Variants in DOK6 observed in about 807,000 individuals in gnomAD.
The protein encoded by DOK6 is downstream of tyrosine kinase 6.
A neutral mutation model predicts 44.0 loss-of-function variants in DOK6; 22 were observed. The ratio of observed to expected loss-of-function variants is 0.50; its 90% CI spans 0.36 to 0.71. The LOEUF (loss-of-function observed/expected upper bound fraction) is 0.71. Among genes scored for constraint, DOK6 ranks in the 30% least tolerant of loss-of-function variants. The pLI, the probability that DOK6 is intolerant of heterozygous loss-of-function variation, is 0.00. For synonymous variants in DOK6, 166 were observed against 145.5 expected (o/e 1.14, Z -1.01); for missense variants, 340 against 416.4 (o/e 0.82, Z 1.60).
intron 3 of DOK6, among the ~76,000 whole-genome samples, chr18:69,635,807 G>A (rs948851176): frequency 7.9e-5 from 12 of 152,214 alleles, no homozygotes; most frequent in Non-Finnish European, 5.9e-5. Flanking sequence ...TAAGAAAGAG[G>A]TGCAATGTTG....
intron 3 of DOK6, among the ~76,000 whole-genome samples, chr18:69,654,220 C>G (rs1985305572): frequency 6.6e-6 from 1 of 152,116 alleles, no homozygotes; most frequent in African/African-American, 2.4e-5. Context: ...GTGGAAAAGT[C>G]TAACATACTT....
chr18:69,770,177 T>C (rs1979845953), intron 7 of DOK6, among the ~76,000 whole-genome samples: 1 of 152,114 alleles, frequency 6.6e-6, no homozygotes, highest in Non-Finnish European at 1.5e-5. Flanking sequence ...AGTTTCATGA[T>C]ATTTAATCTT....
chr18:69,783,128 A>G (rs1293135201), intron 7 of DOK6, among the ~76,000 whole-genome samples: 1 of 152,218 alleles, frequency 6.6e-6, no homozygotes, highest in East Asian at 1.9e-4. Context: ...ACTCTCACCC[A>G]CCAGGCTTAC....
At chr18:69,605,833 C>T (rs533830705) in intron 3 of DOK6, among the ~76,000 whole-genome samples, 1 of 152,266 alleles carries the variant, frequency 6.6e-6, no homozygotes, top group African/African-American at 2.4e-5. Context: ...AGACGGAAAG[C>T]TTTCCTGCTC....
intron 4 of DOK6, among the ~76,000 whole-genome samples, chr18:69,684,046 C>G (rs936653338): frequency 1.3e-5 from 2 of 152,162 alleles, no homozygotes; most frequent in Non-Finnish European, 2.9e-5. Context: ...AGCAGCCCCT[C>G]TAGAAGAAAT....
At chr18:69,756,684 C>T (rs1388855888) in intron 6 of DOK6, among the ~76,000 whole-genome samples, 2 of 152,094 alleles carry the variant, frequency 1.3e-5, no homozygotes, top group Non-Finnish European at 2.9e-5. Flanking sequence ...AGAGTCAAAT[C>T]CAATGCTGGA....
intron 7 of DOK6, among the ~76,000 whole-genome samples, chr18:69,798,424 A>G (rs1980810459): frequency 6.6e-6 from 1 of 152,104 alleles, no homozygotes; most frequent in Non-Finnish European, 1.5e-5. Context: ...TTAAGCTATC[A>G]TTTAATGTGG....
intron 1 of DOK6, among the ~76,000 whole-genome samples, chr18:69,548,143 CG>C (rs1982458697): frequency 6.6e-6 from 1 of 150,444 alleles, no homozygotes; most frequent in Admixed American, 6.6e-5. Flanking sequence ...TTAGTAGAGA[CG>C]GGGTTTCACG....
At chr18:69,689,571 G>A (rs1377500049) in intron 4 of DOK6, among the ~76,000 whole-genome samples, 1 of 152,090 alleles carries the variant, frequency 6.6e-6, no homozygotes, top group Non-Finnish European at 1.5e-5. Flanking sequence ...ATTGGTAAGG[G>A]ATTTCTGGAA....
intron 3 of DOK6, chr18:69,660,248 G>A (rs1361134688): frequency 6.6e-6 from 1 of 152,144 alleles, no homozygotes; most frequent in Non-Finnish European, 1.5e-5. Flanking sequence ...TGCATAGATT[G>A]TTCATAACTC....
intron 7 of DOK6, among the ~76,000 whole-genome samples, chr18:69,761,641 T>C (rs1311101904): frequency 6.6e-6 from 1 of 152,104 alleles, no homozygotes; most frequent in African/African-American, 2.4e-5. Context: ...CATCAGTTGG[T>C]GAAAGTGGTA....
intron 7 of DOK6, among the ~76,000 whole-genome samples, chr18:69,834,294 A>G (rs1981981398): frequency 6.6e-6 from 1 of 152,142 alleles, no homozygotes; most frequent in African/African-American, 2.4e-5. Context: ...CAAATATTAC[A>G]CGTTCTCACT....
chr18:69,653,723 C>T (rs1437904883), intron 3 of DOK6, among the ~76,000 whole-genome samples: 1 of 152,234 alleles, frequency 6.6e-6, no homozygotes, highest in Non-Finnish European at 1.5e-5. Flanking sequence ...TCTCTAACCA[C>T]ATGCAGTGAA....
At chr18:69,813,407 C>A (rs1981301157) in intron 7 of DOK6, among the ~76,000 whole-genome samples, 1 of 151,952 alleles carries the variant, frequency 6.6e-6, no homozygotes, top group African/African-American at 2.4e-5. Context: ...TGTTGTCCTG[C>A]AGTGCCCTGG....
chr18:69,510,120 T>C (rs572158233), intron 1 of DOK6, among the ~76,000 whole-genome samples: 71 of 152,248 alleles, frequency 4.7e-4, no homozygotes, highest in Non-Finnish European at 7.2e-4. Context: ...TGCTATTATT[T>C]TAAAGTCATT....
intron 1 of DOK6, among the ~76,000 whole-genome samples, chr18:69,446,448 G>T (rs558551406): frequency 9.7e-4 from 148 of 152,004 alleles, no homozygotes; most frequent in African/African-American, 3.4e-3. Flanking sequence ...TCTTAATCCA[G>T]TCTATCATTT....
intron 1 of DOK6, among the ~76,000 whole-genome samples, chr18:69,547,614 C>A (rs1301302433): frequency 6.6e-6 from 1 of 151,426 alleles, no homozygotes; most frequent in Non-Finnish European, 1.5e-5. Flanking sequence ...TAACTACAGT[C>A]ACCCTACTCT....
intron 3 of DOK6, among the ~76,000 whole-genome samples, chr18:69,616,734 T>G (rs924848866): frequency 2.0e-5 from 3 of 152,238 alleles, no homozygotes; most frequent in African/African-American, 7.2e-5. Context: ...CATATTACCT[T>G]GCTGTCTCAC....
intron 1 of DOK6, among the ~76,000 whole-genome samples, chr18:69,475,541 G>T (rs1265783971): frequency 6.6e-6 from 1 of 152,146 alleles, no homozygotes; most frequent in African/African-American, 2.4e-5. Context: ...AAACATTGCT[G>T]AACATACTTT....
Sources: allele counts gnomAD v4.1 joint callset (sites outside exome capture counted in the v4.1 genomes callset), GRCh38; gene constraint gnomAD v4.1.1; transcripts MANE v1.5; gene names NCBI Gene and HGNC (gene_info 2026-07-23, HGNC 2026-07-21).